Variants in ATP8B4 observed in about 807,000 individuals in gnomAD.
ATP8B4 encodes probable phospholipid-transporting ATPase IM.
ATP8B4 carries 133 observed loss-of-function variants against 145.6 expected under a neutral mutation model. The ratio of observed to expected loss-of-function variants is 0.91; its 90% CI spans 0.79 to 1.05. The LOEUF (loss-of-function observed/expected upper bound fraction) is 1.05. Among genes scored for constraint, ATP8B4 ranks in the 50% least tolerant of loss-of-function variants. ATP8B4 has a pLI of 0.00. For missense variants in ATP8B4, 1,458 were observed against 1,425.2 expected (o/e 1.02, Z -0.37); for synonymous variants, 507 against 492.9 (o/e 1.03, Z -0.38).
At chr15:49,909,011 G>A (rs914847587) in intron 20 of ATP8B4, among the ~76,000 whole-genome samples, 1 of 152,038 alleles carries the variant, frequency 6.6e-6, no homozygotes, top group Non-Finnish European at 1.5e-5. Context: ...ACCCCCACCT[G>A]AGCATTCCAC....
At chr15:49,886,538 G>A (rs1043147880) in intron 23 of ATP8B4, among the ~76,000 whole-genome samples, 8 of 152,100 alleles carry the variant, frequency 5.3e-5, no homozygotes, top group Non-Finnish European at 7.3e-5. Flanking sequence ...ATTAACCATA[G>A]ATATTTATTT....
intron 1 of ATP8B4, among the ~76,000 whole-genome samples, chr15:50,174,551 C>CAAAAAAAAA (rs35979987): frequency 1.2e-5 from 1 of 80,410 alleles, no homozygotes. Context: ...ACAATCACTG[C>CAAAAAAAAA]AAAAAAAAAA....
chr15:49,919,336 A>T (rs997846733), intron 18 of ATP8B4, among the ~76,000 whole-genome samples: 12 of 152,212 alleles, frequency 7.9e-5, no homozygotes, highest in East Asian at 3.9e-4. Context: ...GATCACAAAA[A>T]GTCTAGTCAT....
intron 1 of ATP8B4, among the ~76,000 whole-genome samples, chr15:50,125,580 A>G (rs566846350): frequency 6.6e-6 from 1 of 152,210 alleles, no homozygotes. Flanking sequence ...ACAGAAAAAT[A>G]GCTCAGAGCA....
chr15:49,957,368 CAG>C (rs1295065022), intron 14 of ATP8B4, among the ~76,000 whole-genome samples: 1 of 151,454 alleles, frequency 6.6e-6, no homozygotes, highest in African/African-American at 2.4e-5. Flanking sequence ...CACACACACA[CAG>C]AGTAAAAGAA....
chr15:50,159,465 T>C (rs2044482986), intron 1 of ATP8B4, among the ~76,000 whole-genome samples: 1 of 152,202 alleles, frequency 6.6e-6, no homozygotes, highest in Non-Finnish European at 1.5e-5. Context: ...TTCTTCCTAA[T>C]TTGAATGTCC....
intron 1 of ATP8B4, among the ~76,000 whole-genome samples, chr15:50,149,518 A>G (rs539396939): frequency 2.0e-5 from 3 of 152,346 alleles, no homozygotes; most frequent in South Asian, 4.1e-4. Context: ...CTGAGGTGGT[A>G]GGAAACAACT....
intron 1 of ATP8B4, among the ~76,000 whole-genome samples, chr15:50,167,288 G>A (rs906735117): frequency 6.6e-6 from 1 of 152,152 alleles, no homozygotes; most frequent in African/African-American, 2.4e-5. Context: ...CAGTTCTGGA[G>A]GACAAAAGTC....
intron 13 of ATP8B4, among the ~76,000 whole-genome samples, chr15:49,963,780 A>T (rs1055201170): frequency 6.6e-6 from 1 of 152,154 alleles, no homozygotes; most frequent in African/African-American, 2.4e-5. Context: ...GAGCATCAAG[A>T]ATAGCTAAAG....
chr15:50,043,959 CAAAAAAA>C (rs71424043), intron 5 of ATP8B4, among the ~76,000 whole-genome samples: 11 of 75,028 alleles, frequency 1.5e-4, no homozygotes, highest in Non-Finnish European at 2.2e-4. Flanking sequence ...GACTCCGTTT[CAAAAAAA>C]AAAAAAAAAA....
At chr15:50,015,219 A>G (rs2899446) in intron 6 of ATP8B4, among the ~76,000 whole-genome samples, 81,299 of 152,136 alleles carry the variant, frequency 0.53, 24,188 homozygotes, top group African/African-American at 0.79. Context: ...GATACACAAG[A>G]AACTACTGTG....
intron 3 of ATP8B4, among the ~76,000 whole-genome samples, chr15:50,048,975 C>T (rs1312111541): frequency 2.0e-5 from 3 of 151,896 alleles, no homozygotes; most frequent in South Asian, 2.1e-4. Context: ...AAGGCAGGAG[C>T]GGGAAAAACT....
intron 20 of ATP8B4, chr15:49,902,090 C>T (rs1440762997): frequency 1.2e-5 from 2 of 172,088 alleles, no homozygotes; most frequent in Admixed American, 6.3e-5. Flanking sequence ...AAGGGAAATT[C>T]CTCTTCAAGA....
chr15:49,923,901 T>C (rs930713778), intron 16 of ATP8B4, among the ~76,000 whole-genome samples: 4 of 152,216 alleles, frequency 2.6e-5, no homozygotes, highest in African/African-American at 7.2e-5. Context: ...ATCAGTGCTA[T>C]GCTAAATCAT....
chr15:49,916,149 G>A (rs2039717789), intron 20 of ATP8B4, among the ~76,000 whole-genome samples: 1 of 151,980 alleles, frequency 6.6e-6, no homozygotes, highest in African/African-American at 2.4e-5. Flanking sequence ...TTATAAGACA[G>A]TATTTTTTAA....
intron 14 of ATP8B4, among the ~76,000 whole-genome samples, chr15:49,940,097 G>A (rs1463383186): frequency 6.6e-6 from 1 of 152,114 alleles, no homozygotes; most frequent in Non-Finnish European, 1.5e-5. Flanking sequence ...ACATGCACTT[G>A]TATGTTCATC....
intron 1 of ATP8B4, among the ~76,000 whole-genome samples, chr15:50,172,128 A>T (rs2044682937): frequency 6.6e-6 from 1 of 152,188 alleles, no homozygotes; most frequent in Non-Finnish European, 1.5e-5. Flanking sequence ...ACATTCAAAA[A>T]AGAATTGGTC....
At chr15:50,029,061 C>G (rs764562293) in intron 6 of ATP8B4, among the ~76,000 whole-genome samples, 1 of 151,626 alleles carries the variant, frequency 6.6e-6, no homozygotes, top group Non-Finnish European at 1.5e-5. Flanking sequence ...GGTAAAACCC[C>G]GTATCTACTA....
intron 9 of ATP8B4, among the ~76,000 whole-genome samples, chr15:49,991,043 G>T (rs28483368): frequency 6.6e-6 from 1 of 152,104 alleles, no homozygotes. Context: ...GTCGGCACCA[G>T]CAGTAAAGAG....
Sources: gnomAD v4.1 joint callset for allele counts (sites outside exome capture counted in the v4.1 genomes callset) on GRCh38, gnomAD v4.1.1 for gene constraint, MANE v1.5 for transcripts, NCBI Gene and HGNC (gene_info 2026-07-23, HGNC 2026-07-21) for gene names.